Variants in STK32A observed in about 807,000 individuals in gnomAD.
The protein encoded by STK32A is serine/threonine kinase 32A, also known as serine/threonine-protein kinase 32A.
In STK32A, 41 loss-of-function variants were observed where a neutral mutation model predicts 53.2. The observed-to-expected ratio is 0.77, with a 90% confidence interval of 0.60 to 1.00. STK32A has a LOEUF of 1.00. Among genes scored for constraint, STK32A ranks in the 50% least tolerant of loss-of-function variants. STK32A has a pLI of 0.00. For missense variants in STK32A, 458 were observed against 485.8 expected (o/e 0.94, Z 0.54); for synonymous variants, 166 against 162.8 (o/e 1.02, Z -0.15).
At chr5:147,377,381 C>T (rs1757274241) in intron 11 of STK32A, among the ~76,000 whole-genome samples, 1 of 152,036 alleles carries the variant, frequency 6.6e-6, no homozygotes, top group Admixed American at 6.6e-5. Context: ...GTTTTAAAAT[C>T]TCACTCTAGA....
chr5:147,239,403 A>G (rs951312149), intron 1 of STK32A, 136 bp from the exon 2 acceptor site: 19 of 429,938 alleles, frequency 4.4e-5, no homozygotes, highest in African/African-American at 3.9e-4. Context: ...TTTTATTCTG[A>G]AATCATGGTT....
At chr5:147,276,253 A>G (rs1234538167) in intron 2 of STK32A, among the ~76,000 whole-genome samples, 1 of 152,196 alleles carries the variant, frequency 6.6e-6, no homozygotes, top group African/African-American at 2.4e-5. Flanking sequence ...ATAAGCCAAA[A>G]AACATATCAT....
chr5:147,276,705 T>C (rs1004850345), intron 2 of STK32A, among the ~76,000 whole-genome samples: 2 of 152,156 alleles, frequency 1.3e-5, no homozygotes, highest in African/African-American at 4.8e-5. Context: ...TATGCTATAG[T>C]GGATGAAATA....
At chr5:147,281,929 C>A (rs1752082191) in intron 4 of STK32A, among the ~76,000 whole-genome samples, 1 of 152,176 alleles carries the variant, frequency 6.6e-6, no homozygotes, top group African/African-American at 2.4e-5. Flanking sequence ...ACCCTACAAG[C>A]TAGAAGGGAT....
chr5:147,347,838 T>C (rs1581123392), intron 6 of STK32A, among the ~76,000 whole-genome samples: 1 of 152,194 alleles, frequency 6.6e-6, no homozygotes, highest in East Asian at 1.9e-4. Flanking sequence ...GTCATGGCTG[T>C]AGCCGGACCT....
At chr5:147,343,823 A>G (rs1296982970) in intron 6 of STK32A, among the ~76,000 whole-genome samples, 2 of 152,244 alleles carry the variant, frequency 1.3e-5, no homozygotes, top group Non-Finnish European at 2.9e-5. Context: ...AAAATCAGTT[A>G]AAGAAAAACA....
chr5:147,372,510 A>T (rs1462597430), intron 9 of STK32A, among the ~76,000 whole-genome samples: 1 of 152,028 alleles, frequency 6.6e-6, no homozygotes. Flanking sequence ...TCCACAAATT[A>T]CACCCTGAGG....
chr5:147,325,248 G>T (rs1754519639), intron 5 of STK32A, among the ~76,000 whole-genome samples: 1 of 152,046 alleles, frequency 6.6e-6, no homozygotes, highest in African/African-American at 2.4e-5. Context: ...TTAGTAAAAA[G>T]TTGGCTAGAT....
chr5:147,328,118 G>C (rs976819305), intron 5 of STK32A, among the ~76,000 whole-genome samples: 5 of 152,216 alleles, frequency 3.3e-5, no homozygotes, highest in Non-Finnish European at 7.3e-5. Context: ...AGTCTCATGA[G>C]AGCTCTGAGG....
intron 2 of STK32A, among the ~76,000 whole-genome samples, chr5:147,257,246 G>A (rs956918589): frequency 2.0e-5 from 3 of 151,964 alleles, no homozygotes; most frequent in South Asian, 2.1e-4. Flanking sequence ...GCTCTACGTC[G>A]GGGGCGGGGC....
At chr5:147,327,335 A>T (rs1452550391) in intron 5 of STK32A, among the ~76,000 whole-genome samples, 1 of 152,188 alleles carries the variant, frequency 6.6e-6, no homozygotes, top group Non-Finnish European at 1.5e-5. Flanking sequence ...ATAACAAAAC[A>T]CCTTTTAGTT....
chr5:147,357,312 A>G (rs12332485), intron 7 of STK32A, among the ~76,000 whole-genome samples: 35,481 of 151,854 alleles, frequency 0.23, 4,983 homozygotes, highest in African/African-American at 0.39. Context: ...AATATCTTTA[A>G]TTGTCCCAAA....
intron 4 of STK32A, among the ~76,000 whole-genome samples, chr5:147,280,877 G>C (rs971468496): frequency 6.6e-6 from 1 of 152,172 alleles, no homozygotes; most frequent in Non-Finnish European, 1.5e-5. Flanking sequence ...CCCTTACAGA[G>C]TCCATTGTAC....
At chr5:147,262,928 T>A (rs1160547039) in intron 2 of STK32A, among the ~76,000 whole-genome samples, 3 of 152,136 alleles carry the variant, frequency 2.0e-5, no homozygotes, top group Non-Finnish European at 4.4e-5. Flanking sequence ...GGGGAAGAGC[T>A]AAAGTAAATG....
intron 11 of STK32A, among the ~76,000 whole-genome samples, chr5:147,380,112 G>T (rs1025386043): frequency 2.0e-5 from 3 of 151,950 alleles, no homozygotes; most frequent in African/African-American, 7.2e-5. Context: ...TAGTTACATA[G>T]TAGAGGGAAA....
Position 147,277,683 on chromosome 5 carries a change from C to A in STK32A, c.53-441C>A, listed in dbSNP as rs192662293. ...GCCATACATAGGATGCACCTGGGAG[C>A]AGATCTTTCTGAAGTCATTCTGTGC... On this transcript the variant is annotated intron_variant, in intron 2 of 12. Coordinates refer to ENST00000397936, the MANE Select transcript of STK32A (RefSeq NM_001112724.2). 2.4e-3 allele frequency among the ~76,000 whole-genome samples: 370 copies of A among 152,296 alleles called. 1 individual carries two copies. Among genetic ancestry groups the A allele is most frequent in the Non-Finnish European group, 3.6e-3 (245 of 68,020 alleles).
chr5:147,249,908 C>CAAA (rs35848112), intron 2 of STK32A, among the ~76,000 whole-genome samples: 1,632 of 58,296 alleles, frequency 0.028, 130 homozygotes, highest in Non-Finnish European at 0.037. Flanking sequence ...GCCTCTGTCT[C>CAAA]AAAAAAAAAA....
chr5:147,265,420 ATTTG>A (rs1375792721), intron 2 of STK32A, among the ~76,000 whole-genome samples: 1 of 152,144 alleles, frequency 6.6e-6, no homozygotes, highest in East Asian at 1.9e-4. Flanking sequence ...TGGTTTCATT[ATTTG>A]TTTACTTATT....
intron 2 of STK32A, among the ~76,000 whole-genome samples, chr5:147,248,310 G>T (rs1480062103): frequency 6.6e-6 from 1 of 152,052 alleles, no homozygotes; most frequent in Non-Finnish European, 1.5e-5. Context: ...CTTACACCAA[G>T]ACTACAATCT....
Sources: allele counts gnomAD v4.1 joint callset (sites outside exome capture counted in the v4.1 genomes callset), GRCh38; gene constraint gnomAD v4.1.1; transcripts MANE v1.5; gene names NCBI Gene and HGNC (gene_info 2026-07-23, HGNC 2026-07-21).